Variants in ZBTB20 observed in about 807,000 individuals in gnomAD.
The protein encoded by ZBTB20 is zinc finger and BTB domain-containing protein 20.
A neutral mutation model predicts 56.9 loss-of-function variants in ZBTB20; 9 were observed. That is an observed-to-expected ratio of 0.16 (90% CI 0.10 to 0.28). The LOEUF is 0.28. Among genes scored for constraint, ZBTB20 ranks in the 10% least tolerant of loss-of-function variants. ZBTB20 has a pLI of 1.00. For synonymous variants in ZBTB20, 417 were observed against 420.7 expected, an observed-to-expected ratio of 0.99 and a Z score of 0.11; for missense variants, 655 against 1,003.0, an observed-to-expected ratio of 0.65 and a Z score of 4.69.
chr3:114,820,564 T>A (rs943734850), intron 4 of ZBTB20, among the ~76,000 whole-genome samples: 14 of 151,922 alleles, frequency 9.2e-5, no homozygotes, highest in African/African-American at 3.1e-4. Flanking sequence ...TACCTTTTAA[T>A]CTGGAAAAAA....
chr3:114,748,416 C>T (rs372686357), intron 5 of ZBTB20, among the ~76,000 whole-genome samples: 6 of 136,026 alleles, frequency 4.4e-5, no homozygotes, highest in African/African-American at 1.5e-4. Context: ...TCCTCTTTCT[C>T]TCTCTCTCTT....
intron 7 of ZBTB20, among the ~76,000 whole-genome samples, chr3:114,459,211 C>T (rs999963110): frequency 1.3e-5 from 2 of 152,138 alleles, no homozygotes; most frequent in Non-Finnish European, 2.9e-5. Context: ...TCTGGTTCAG[C>T]TCTTGAAGCC....
chr3:115,099,595 C>T (rs890813202), intron 1 of ZBTB20, among the ~76,000 whole-genome samples: 2 of 152,168 alleles, frequency 1.3e-5, no homozygotes, highest in Admixed American at 1.3e-4. Flanking sequence ...CACCTTATGT[C>T]CAATGGCATT....
At chr3:114,697,196 A>G (rs766942190) in intron 5 of ZBTB20, among the ~76,000 whole-genome samples, 19 of 151,934 alleles carry the variant, frequency 1.3e-4, no homozygotes, top group Non-Finnish European at 1.6e-4. Flanking sequence ...ATATTACATC[A>G]GGATACATTT....
At position 115,133,530 on chromosome 3, in the gene ZBTB20, C is replaced by T. The variant is rs2084569616; in HGVS notation, c.-703+13689G>A. On this transcript the variant is annotated intron_variant, in intron 1 of 11. Coordinates refer to ENST00000675478, the MANE Select transcript of ZBTB20 (RefSeq NM_001348800.3). ...ACCCTATACCCATTAAGCAGTCACT[C>T]CCCATTTTTCCTTCTCCCAGCCCCT... is the stretch of plus-strand genomic sequence containing the variant. 2.0e-5 allele frequency among the ~76,000 whole-genome samples: 3 copies of T among 152,170 alleles called. No homozygotes were observed. In the South Asian group the frequency reaches 6.2e-4, roughly 32 times the overall value.
rs1373461391 is a variant in ZBTB20, at chr3:114,977,838, T to C, written c.-506-3422A>G. On this transcript the variant is annotated intron_variant, in intron 2 of 11. Coordinates refer to ENST00000675478, the MANE Select transcript of ZBTB20 (RefSeq NM_001348800.3). ...TAGCCTGGGCAACATGGTGAAACCC[T>C]GTCTCCACAAAAAATACAAAAATTA... Among the ~76,000 whole-genome samples, 12 of 151,812 alleles carry C rather than the reference T, an allele frequency of 7.9e-5. 1 individual carries two copies. The highest frequency in any genetic ancestry group is 2.2e-4 in the African/African-American group (9 of 41,358).
intron 10 of ZBTB20, among the ~76,000 whole-genome samples, chr3:114,364,515 A>G (rs970994705): frequency 6.6e-6 from 1 of 152,162 alleles, no homozygotes; most frequent in African/African-American, 2.4e-5. Context: ...AGGAAGCTCT[A>G]TGAGCTATTC....
At chr3:115,124,787 A>C (rs1375037300) in intron 1 of ZBTB20, among the ~76,000 whole-genome samples, 2 of 152,184 alleles carry the variant, frequency 1.3e-5, no homozygotes, top group East Asian at 3.8e-4. Context: ...TTCTCTATAG[A>C]AAATAATTTA....
chr3:114,347,077 GTTTTTTTTTTTTTTT>G (rs59044965), intron 11 of ZBTB20, among the ~76,000 whole-genome samples: 28 of 71,068 alleles, frequency 3.9e-4, no homozygotes, highest in Admixed American at 2.6e-3. Flanking sequence ...TTCTCTTCAG[GTTTTTTTTTTTTTTT>G]TTTTTTTTTT....
intron 4 of ZBTB20, among the ~76,000 whole-genome samples, chr3:114,835,569 C>T (rs371289972): frequency 3.9e-5 from 6 of 151,962 alleles, no homozygotes; most frequent in African/African-American, 7.3e-5. Context: ...TTTTATAATA[C>T]GCCAGTTCAT....
chr3:115,006,881 G>A (rs2079494476), intron 2 of ZBTB20, among the ~76,000 whole-genome samples: 3 of 151,630 alleles, frequency 2.0e-5, no homozygotes, highest in Admixed American at 2.0e-4. Flanking sequence ...TGTTCCCTTA[G>A]ATATTCATTT....
chr3:114,735,874 A>C (rs2066118987), intron 5 of ZBTB20, among the ~76,000 whole-genome samples: 1 of 152,166 alleles, frequency 6.6e-6, no homozygotes, highest in Non-Finnish European at 1.5e-5. Context: ...CACTACAGAG[A>C]ATAAAACTAG....
intron 10 of ZBTB20, among the ~76,000 whole-genome samples, chr3:114,357,006 T>C (rs1040551650): frequency 6.6e-6 from 1 of 152,176 alleles, no homozygotes; most frequent in African/African-American, 2.4e-5. Flanking sequence ...ATCTTGGCTC[T>C]ATATACCTAG....
intron 7 of ZBTB20, among the ~76,000 whole-genome samples, chr3:114,461,085 T>A (rs2092307522): frequency 1.3e-5 from 2 of 152,144 alleles, no homozygotes; most frequent in Non-Finnish European, 2.9e-5. Flanking sequence ...GGCAATTGTA[T>A]CTCCAAGTTA....
At chr3:114,635,657 T>G (rs1319596743) in intron 6 of ZBTB20, among the ~76,000 whole-genome samples, 1 of 151,734 alleles carries the variant, frequency 6.6e-6, no homozygotes, top group East Asian at 1.9e-4. Flanking sequence ...AAAATTGAAC[T>G]GAAAGATTCA....
chr3:114,754,874 T>A (rs760014902), intron 5 of ZBTB20, among the ~76,000 whole-genome samples: 4 of 152,218 alleles, frequency 2.6e-5, no homozygotes, highest in Non-Finnish European at 5.9e-5. Flanking sequence ...TTTTAGTTAG[T>A]GTTAATACAG....
At chr3:114,695,084 T>A (rs910136854) in intron 5 of ZBTB20, among the ~76,000 whole-genome samples, 1 of 152,052 alleles carries the variant, frequency 6.6e-6, no homozygotes, top group African/African-American at 2.4e-5. Flanking sequence ...CACAACTGGA[T>A]GGATTCTGCT....
chr3:114,890,100 G>T (rs1378461135), intron 4 of ZBTB20, among the ~76,000 whole-genome samples: 2 of 152,036 alleles, frequency 1.3e-5, no homozygotes, highest in Non-Finnish European at 2.9e-5. Context: ...TCTAAACCCT[G>T]TACTCTTTCT....
intron 3 of ZBTB20, among the ~76,000 whole-genome samples, chr3:114,958,261 T>C (rs1384158345): frequency 1.3e-5 from 2 of 152,244 alleles, no homozygotes; most frequent in South Asian, 2.1e-4. Flanking sequence ...GAAATCATGA[T>C]TACTGTCTAA....
Sources: gnomAD v4.1 joint callset for allele counts (sites outside exome capture counted in the v4.1 genomes callset) on GRCh38, gnomAD v4.1.1 for gene constraint, MANE v1.5 for transcripts, NCBI Gene and HGNC (gene_info 2026-07-23, HGNC 2026-07-21) for gene names.